SPPL3: variants seen among roughly 807,000 people sequenced by gnomAD.
SPPL3 encodes the protein signal peptide peptidase like 3, also known as signal peptide peptidase-like 3.
In SPPL3, 5 loss-of-function variants were observed where a neutral mutation model predicts 42.4. The ratio of observed to expected loss-of-function variants is 0.12; its 90% CI spans 0.06 to 0.25. The LOEUF (loss-of-function observed/expected upper bound fraction) is 0.25, where lower values mean the gene tolerates loss of function less well. Ranked by LOEUF, SPPL3 falls within the 10% of genes least tolerant of loss-of-function variation. The pLI is 1.00. For missense variants in SPPL3, 235 were observed against 489.0 expected, an observed-to-expected ratio of 0.48 and a Z score of 4.90; for synonymous variants, 195 against 181.8, an observed-to-expected ratio of 1.07 and a Z score of -0.58.
At chr12:120,828,296 A>AT in intron 1 of SPPL3, among the ~76,000 whole-genome samples, 1 of 152,320 alleles carries the variant, frequency 6.6e-6, no homozygotes, top group Non-Finnish European at 1.5e-5. Context: ...AACAAAACAT[A>AT]TCAAAATATG....
At chr12:120,782,403 T>A (rs1869574992) in intron 6 of SPPL3, among the ~76,000 whole-genome samples, 1 of 152,114 alleles carries the variant, frequency 6.6e-6, no homozygotes, top group Non-Finnish European at 1.5e-5. Context: ...AAAGGCCACA[T>A]AATGTATGAT....
intron 1 of SPPL3, among the ~76,000 whole-genome samples, chr12:120,891,621 G>C (rs1873643675): frequency 6.6e-6 from 1 of 151,368 alleles, no homozygotes. Flanking sequence ...ATATTACATT[G>C]TTCAAAAGCT....
intron 6 of SPPL3, among the ~76,000 whole-genome samples, chr12:120,776,371 C>T (rs1463800884): frequency 2.6e-5 from 4 of 152,118 alleles, no homozygotes; most frequent in African/African-American, 9.7e-5. Flanking sequence ...GTCAACTGTA[C>T]AGTCTAGAGG....
At chr12:120,886,142 CAAA>C (rs367987745) in intron 1 of SPPL3, among the ~76,000 whole-genome samples, 1 of 141,768 alleles carries the variant, frequency 7.1e-6, no homozygotes, top group Non-Finnish European at 1.5e-5. Context: ...CACGCCCGGC[CAAA>C]AAAAAAAAAA....
chr12:120,818,601 T>C (rs1870955151), intron 1 of SPPL3, among the ~76,000 whole-genome samples: 1 of 152,256 alleles, frequency 6.6e-6, no homozygotes, highest in African/African-American at 2.4e-5. Flanking sequence ...ACGTGTTCTA[T>C]GTGTCAGCCT....
At chr12:120,792,056 A>G (rs1869933503) in intron 2 of SPPL3, 1 of 153,538 alleles carries the variant, frequency 6.5e-6, no homozygotes, top group Admixed American at 6.5e-5. Flanking sequence ...TAAATAGCAA[A>G]CACAAGACTG....
chr12:120,852,902 TATA>T (rs1427068456), intron 1 of SPPL3, among the ~76,000 whole-genome samples: 5 of 18,804 alleles, frequency 2.7e-4, no homozygotes, highest in Admixed American at 9.3e-4. Flanking sequence ...TATATATATA[TATA>T]TTTTTTAAGA....
chr12:120,766,200 G>C, intron 10 of SPPL3, 63 bp downstream of exon 10: 4 of 1,375,102 alleles, frequency 2.9e-6, no homozygotes, highest in Non-Finnish European at 4.0e-6. Context: ...CGAGGAGAGT[G>C]CAAACCGAGG....
chr12:120,821,095 G>A (rs1217349441), intron 1 of SPPL3, among the ~76,000 whole-genome samples: 2 of 152,180 alleles, frequency 1.3e-5, no homozygotes, highest in African/African-American at 4.8e-5. Context: ...AAATTCATAT[G>A]AAAGAAAGGT....
At chr12:120,851,075 T>C (rs1276527747) in intron 1 of SPPL3, among the ~76,000 whole-genome samples, 2 of 152,204 alleles carry the variant, frequency 1.3e-5, no homozygotes, top group East Asian at 1.9e-4. Flanking sequence ...ACCACACAAT[T>C]ACCAGATTTA....
At chr12:120,834,800 T>C (rs114569983) in intron 1 of SPPL3, among the ~76,000 whole-genome samples, 2,617 of 152,286 alleles carry the variant, frequency 0.017, 86 homozygotes, top group African/African-American at 0.059. Context: ...TTCATAACTG[T>C]GTGCACACAG....
intron 6 of SPPL3, among the ~76,000 whole-genome samples, chr12:120,773,891 G>A (rs993885097): frequency 2.0e-5 from 3 of 152,284 alleles, no homozygotes; most frequent in South Asian, 2.1e-4. Flanking sequence ...GGCATGGGCC[G>A]CCGCGTCTGG....
intron 1 of SPPL3, among the ~76,000 whole-genome samples, chr12:120,831,563 C>T (rs73229151): frequency 0.025 from 3,743 of 152,186 alleles, 75 homozygotes; most frequent in Middle Eastern, 0.051. Flanking sequence ...GTTAGGATAC[C>T]TTGGGAATTC....
chr12:120,893,483 TACCA>T (rs1221746986), intron 1 of SPPL3, among the ~76,000 whole-genome samples: 2 of 152,154 alleles, frequency 1.3e-5, no homozygotes, highest in African/African-American at 4.8e-5. Context: ...CTGCTGTCTG[TACCA>T]ACCATTCTCT....
chr12:120,831,833 C>A (rs1871435748), intron 1 of SPPL3, among the ~76,000 whole-genome samples: 1 of 152,150 alleles, frequency 6.6e-6, no homozygotes, highest in African/African-American at 2.4e-5. Context: ...CACACCACTA[C>A]CACCAAAGAA....
rs187480521 is a variant in SPPL3 at position 120,882,616 on chromosome 12, A to T, written c.23+21229T>A. On this transcript the variant is annotated intron_variant, in intron 1 of 10. Coordinates refer to ENST00000353487, the MANE Select transcript of SPPL3 (RefSeq NM_139015.5). ...GAATACAGTGGTCTCCTATGTATCC[A>T]CAAAAACTGATTATATATTAAATGG... Among the ~76,000 whole-genome samples, 13 of 152,294 alleles carry T rather than the reference A, an allele frequency of 8.5e-5. No individual in the cohort carries two copies. In the East Asian group the frequency reaches 2.5e-3, roughly 29 times the overall value.
intron 1 of SPPL3, 103 bp downstream of exon 1, chr12:120,903,742 C>G (rs1345675843): frequency 4.0e-6 from 3 of 744,034 alleles, no homozygotes; most frequent in East Asian, 4.0e-5. Context: ...GCCCCCCCCC[C>G]ACGACACGCA....
chr12:120,780,919 A>T lies in SPPL3; in HGVS notation c.502+1736T>A, dbSNP rs12816311. 2.0e-5 allele frequency among the ~76,000 whole-genome samples: 3 copies of T among 152,270 alleles called. No homozygotes were observed. In the Middle Eastern group the frequency reaches 0.01, roughly 518 times the overall value. ...AAGCGAAACTCCCTCCCCCAAAAAA[A>T]GGTTTTAAGGGAAAAACCAGGAAAA... On this transcript the variant is annotated intron_variant, in intron 6 of 10. Transcript: ENST00000353487.
At chr12:120,844,897 A>G (rs1023959730) in intron 1 of SPPL3, among the ~76,000 whole-genome samples, 6 of 151,946 alleles carry the variant, frequency 3.9e-5, no homozygotes, top group Non-Finnish European at 7.4e-5. Flanking sequence ...CTAATATTGC[A>G]CAGGAGTAAC....
Sources: gnomAD v4.1 joint callset for allele counts (sites outside exome capture counted in the v4.1 genomes callset) on GRCh38, gnomAD v4.1.1 for gene constraint, MANE v1.5 for transcripts, NCBI Gene and HGNC (gene_info 2026-07-23, HGNC 2026-07-21) for gene names.